The following PARP8 variants were observed in gnomAD, a reference collection of about 807,000 sequenced individuals.
The protein encoded by PARP8 is protein mono-ADP-ribosyltransferase PARP8.
In PARP8, 51 loss-of-function variants were observed where a neutral mutation model predicts 124.1. That is an observed-to-expected ratio of 0.41 (90% CI 0.33 to 0.52). The LOEUF (loss-of-function observed/expected upper bound fraction) is 0.52. Ranked by LOEUF, PARP8 falls within the 20% of genes least tolerant of loss-of-function variation. The pLI is 0.21. For missense variants in PARP8, 860 were observed against 1,018.9 expected, an observed-to-expected ratio of 0.84 and a Z score of 2.12; for synonymous variants, 391 against 361.5, an observed-to-expected ratio of 1.08 and a Z score of -0.93.
At chr5:50,739,292 TGAA>T (rs1294302867) in intron 2 of PARP8, among the ~76,000 whole-genome samples, 1 of 151,862 alleles carries the variant, frequency 6.6e-6, no homozygotes, top group African/African-American at 2.4e-5. Context: ...GGCTTCCATA[TGAA>T]GAAGGAGAGG....
intron 1 of PARP8, chr5:50,667,767 C>T (rs375490293): frequency 2.6e-6 from 2 of 757,886 alleles, no homozygotes; most frequent in Non-Finnish European, 4.6e-6. Context: ...CATTTTGCTC[C>T]CCCGGGATTT....
At chr5:50,730,560 G>C (rs1235930457) in intron 2 of PARP8, among the ~76,000 whole-genome samples, 1 of 152,110 alleles carries the variant, frequency 6.6e-6, no homozygotes, top group African/African-American at 2.4e-5. Flanking sequence ...TATGACACGT[G>C]GAGATTATGG....
chr5:50,787,004 G>T (rs1319263477), intron 9 of PARP8, among the ~76,000 whole-genome samples: 1 of 152,102 alleles, frequency 6.6e-6, no homozygotes, highest in Non-Finnish European at 1.5e-5. Context: ...AGTCTTATCT[G>T]CCTTTTCAAA....
At chr5:50,774,185 C>T (rs1379361366) in intron 7 of PARP8, among the ~76,000 whole-genome samples, 1 of 152,186 alleles carries the variant, frequency 6.6e-6, no homozygotes, top group African/African-American at 2.4e-5. Flanking sequence ...CATCCCAAGG[C>T]AGAAGAATTT....
chr5:50,808,167 T>G (rs1264801375), intron 14 of PARP8, among the ~76,000 whole-genome samples: 1 of 151,640 alleles, frequency 6.6e-6, no homozygotes, highest in African/African-American at 2.4e-5. Context: ...TTAGCCACGG[T>G]TGAGGATGGG....
At chr5:50,745,043 A>G (rs1456204435) in intron 2 of PARP8, 5 of 327,156 alleles carry the variant, frequency 1.5e-5, no homozygotes, top group Non-Finnish European at 1.7e-5. Context: ...GCAAGTCACA[A>G]AGTGAAACTG....
Position 50,796,892 on chromosome 5 carries a change from G to A in PARP8, c.1429-90G>A, listed in dbSNP as rs1295616075. ...TTTCATGTGATCTTAAATCACTTTC[G>A]TATTCACTATTGCAAAGAGTAAAAG... On this transcript the variant is annotated intron_variant, in intron 12 of 25. Transcript: ENST00000281631. The A allele has an allele frequency of 1.4e-5, 15 of 1,083,322 alleles. 1 individual carries two copies. The highest frequency in any genetic ancestry group is 5.0e-5 in the South Asian group (3 of 60,310). The allele number at this position is 1,083,322 out of a possible 1,614,324, so 67.1% of individuals were successfully genotyped here.
intron 1 of PARP8, chr5:50,667,692 A>C (rs1168749330): frequency 1.4e-6 from 1 of 699,646 alleles, no homozygotes; most frequent in Non-Finnish European, 2.6e-6. Context: ...TCCGACTGGC[A>C]AAGAGAAGGG....
At chr5:50,708,781 A>G (rs892498636) in intron 2 of PARP8, among the ~76,000 whole-genome samples, 4 of 151,000 alleles carry the variant, frequency 2.6e-5, no homozygotes, top group Non-Finnish European at 5.9e-5. Flanking sequence ...TTTTTTTTCA[A>G]TTATTGTTAT....
chr5:50,687,016 T>C (rs1751944626), intron 2 of PARP8, among the ~76,000 whole-genome samples: 1 of 152,214 alleles, frequency 6.6e-6, no homozygotes, highest in South Asian at 2.1e-4. Context: ...TAGTTACTTA[T>C]GCAAATTTCT....
rs1580390952 is a variant in PARP8, at chr5:50,802,179, T to A, written c.1575+4946T>A. On this transcript the variant is annotated intron_variant, in intron 14 of 25. Transcript: ENST00000281631. ...GCTTCTCCCTTACTGCCTTCTTTTGTGTGTTTAATAGGCATTTTCTAGTGT... is the reference window on the plus strand; with the variant it reads ...GCTTCTCCCTTACTGCCTTCTTTTGAGTGTTTAATAGGCATTTTCTAGTGT... Among the ~76,000 whole-genome samples the A allele has an allele frequency of 5.9e-5, 9 of 152,332 alleles. No homozygotes were observed. In the South Asian group the frequency reaches 1.9e-3, roughly 32 times the overall value.
Position 50,846,513 on chromosome 5 carries a change from TCAA to T in PARP8, c.*4449_*4451del, listed in dbSNP as rs976560977. On this transcript the variant is annotated 3_prime_UTR_variant, in exon 26 of 26. Coordinates refer to ENST00000281631, the MANE Select transcript of PARP8 (RefSeq NM_024615.4). ...TTACTTTCAATAAATCTGAACTTGTTCAACAAGTACGGTATATGTGGGCAGTAT... is the reference window on the plus strand; with the variant it reads ...TTACTTTCAATAAATCTGAACTTGTTCAAGTACGGTATATGTGGGCAGTAT... 8 of 151,444 alleles carry T rather than the reference TCAA, an allele frequency of 5.3e-5. No homozygotes were observed. The highest frequency in any genetic ancestry group is 1.3e-4 in the Admixed American group (2 of 15,140). The allele number at this position is 151,444 out of a possible 1,614,324, so 9.4% of individuals were successfully genotyped here. A position where few individuals can be genotyped will look rare whatever the true frequency, so the allele number is the denominator to read the frequency against.
chr5:50,750,541 G>T (rs1310722052), intron 3 of PARP8, among the ~76,000 whole-genome samples: 1 of 151,862 alleles, frequency 6.6e-6, no homozygotes, highest in African/African-American at 2.4e-5. Flanking sequence ...ACATTTATTT[G>T]TTTCAGTCAG....
chr5:50,778,007 AACAC>A, intron 7 of PARP8, 58 bp from the exon 8 acceptor site: 19 of 1,257,288 alleles, frequency 1.5e-5, no homozygotes, highest in South Asian at 2.6e-5. Context: ...AAAATAACCT[AACAC>A]ACACCATCTT....
intron 2 of PARP8, among the ~76,000 whole-genome samples, chr5:50,727,225 T>G (rs1163442751): frequency 6.6e-6 from 1 of 152,116 alleles, no homozygotes; most frequent in Non-Finnish European, 1.5e-5. Flanking sequence ...GATGAACATT[T>G]GAGATACTTC....
chr5:50,735,489 T>C (rs1203748600), intron 2 of PARP8, among the ~76,000 whole-genome samples: 1 of 152,204 alleles, frequency 6.6e-6, no homozygotes, highest in Non-Finnish European at 1.5e-5. Context: ...AAAATCTGTT[T>C]CTGTGAGTGA....
At chr5:50,737,420 A>C (rs2594706) in intron 2 of PARP8, among the ~76,000 whole-genome samples, 111,869 of 151,716 alleles carry the variant, frequency 0.74, 42,881 homozygotes, top group East Asian at 0.96. Flanking sequence ...AAGGGTACTC[A>C]TTAGGAGTTT....
chr5:50,748,220 A>G (rs1257461540), intron 2 of PARP8, among the ~76,000 whole-genome samples: 2 of 151,440 alleles, frequency 1.3e-5, no homozygotes, highest in Admixed American at 6.6e-5. Context: ...TGTACATGCT[A>G]TAGGGATATT....
Position 50,828,324 on chromosome 5 carries a change from T to G in PARP8, c.2103T>G (p.Ile701Met), listed in dbSNP as rs747141033. The G allele has an allele frequency of 5.0e-6, 8 of 1,613,608 alleles. No individual in the cohort carries two copies. The South Asian group carries it at 8.8e-5, about 18-fold the overall frequency. ...GSTFAFHGSHIENWHSILRNG... is the reference protein window; with the variant it reads ...GSTFAFHGSHMENWHSILRNG... ...TCTGTTTTTTTAGTGGCTCACACAT[T>G]GAAAACTGGCACTCCATCCTGAGGA... The change falls in exon 21 of 26, where the codon ATT becomes ATG. Residue 701 changes from isoleucine (I) to methionine (M), a missense_variant. Transcript: ENST00000281631.
Sources: gnomAD v4.1 joint callset for allele counts (sites outside exome capture counted in the v4.1 genomes callset) on GRCh38, gnomAD v4.1.1 for gene constraint, MANE v1.5 for transcripts, NCBI Gene and HGNC (gene_info 2026-07-23, HGNC 2026-07-21) for gene names.